The following AGBL4 variants were observed in gnomAD, a reference collection of about 807,000 sequenced individuals.
AGBL4 encodes the protein cytosolic carboxypeptidase 6.
AGBL4 carries 58 observed loss-of-function variants against 66.4 expected under a neutral mutation model. That is an observed-to-expected ratio of 0.87 (90% CI 0.71 to 1.09). The LOEUF (loss-of-function observed/expected upper bound fraction) is 1.09, where lower values mean the gene tolerates loss of function less well. Among genes scored for constraint, AGBL4 ranks in the 50% least tolerant of loss-of-function variants. AGBL4 has a pLI of 0.00. For synonymous variants in AGBL4, 234 were observed against 222.9 expected (o/e 1.05, Z -0.44); for missense variants, 579 against 631.0 (o/e 0.92, Z 0.88).
chr1:49,318,428 C>T lies in AGBL4; in HGVS notation c.283-72564G>A, dbSNP rs544105585. ...ATGATGATGATGATGATGATGATGA[C>T]GGCAATGATGATAGCAAACACATGG... On this transcript the variant is annotated intron_variant, in intron 3 of 13. Transcript: ENST00000371839. Among the ~76,000 whole-genome samples, 127 of 144,672 alleles carry T rather than the reference C, an allele frequency of 8.8e-4. 1 individual carries two copies. Among genetic ancestry groups the T allele is most frequent in the African/African-American group, 2.1e-3 (82 of 38,858 alleles). The allele number at this position is 144,672 out of a possible 152,430, so 94.9% of individuals were successfully genotyped here.
intron 1 of AGBL4, among the ~76,000 whole-genome samples, chr1:49,894,128 G>A (rs764084960): frequency 6.6e-6 from 1 of 152,190 alleles, no homozygotes; most frequent in Non-Finnish European, 1.5e-5. Flanking sequence ...AACCAAGGCA[G>A]TACCTCTATG....
At chr1:49,002,718 C>T (rs1042840093) in intron 5 of AGBL4, among the ~76,000 whole-genome samples, 1 of 152,140 alleles carries the variant, frequency 6.6e-6, no homozygotes, top group East Asian at 1.9e-4. Context: ...GTTTCAAATT[C>T]CAGCACATTG....
intron 5 of AGBL4, among the ~76,000 whole-genome samples, chr1:49,020,692 A>G (rs1005426770): frequency 6.6e-6 from 1 of 152,138 alleles, no homozygotes; most frequent in Non-Finnish European, 1.5e-5. Flanking sequence ...GATAACTGAA[A>G]AGAAACAGGA....
At chr1:49,116,230 T>G (rs1300592628) in intron 4 of AGBL4, among the ~76,000 whole-genome samples, 1 of 152,094 alleles carries the variant, frequency 6.6e-6, no homozygotes, top group Non-Finnish European at 1.5e-5. Context: ...TTAAAATTTT[T>G]TTATTATACT....
chr1:48,954,886 C>T (rs908583346), intron 5 of AGBL4, among the ~76,000 whole-genome samples: 2 of 152,192 alleles, frequency 1.3e-5, no homozygotes, highest in African/African-American at 2.4e-5. Flanking sequence ...CAGCACTGAC[C>T]TCAAGAGATC....
At chr1:49,773,070 A>G (rs1571535923) in intron 2 of AGBL4, among the ~76,000 whole-genome samples, 1 of 152,226 alleles carries the variant, frequency 6.6e-6, no homozygotes, top group East Asian at 1.9e-4. Context: ...TTTCAAAATC[A>G]CGTCTTCAAG....
rs1221238162 is a variant in AGBL4 at position 48,744,904 on chromosome 1, A to T, written c.635-81663T>A. Among the ~76,000 whole-genome samples the T allele has an allele frequency of 5.3e-5, 8 of 152,282 alleles. No individual in the cohort carries two copies. In the South Asian group the frequency reaches 6.2e-4, roughly 12 times the overall value. The stretch of plus-strand genomic sequence containing the variant: ...TGTGCTGTTTGTCTTGGCGCTGAAC[A>T]CTACCTCATCTGTCTGCCAAGCACC... On this transcript the variant is annotated intron_variant, in intron 6 of 13. Transcript: ENST00000371839.
intron 3 of AGBL4, among the ~76,000 whole-genome samples, chr1:49,278,155 C>T (rs1644206801): frequency 6.6e-6 from 1 of 152,086 alleles, no homozygotes; most frequent in South Asian, 2.1e-4. Flanking sequence ...GTTTATTTGA[C>T]TCTAAAGCTG....
chr1:49,067,995 G>A (rs1385940285), intron 4 of AGBL4, among the ~76,000 whole-genome samples: 1 of 151,378 alleles, frequency 6.6e-6, no homozygotes, highest in East Asian at 2.0e-4. Context: ...CGATGAGTGA[G>A]AACAGAGCAT....
chr1:48,633,332 C>G (rs1344402331), intron 9 of AGBL4, among the ~76,000 whole-genome samples: 2 of 152,172 alleles, frequency 1.3e-5, no homozygotes, highest in Admixed American at 1.3e-4. Context: ...GAAATTTTCA[C>G]TGGCATCCTC....
At chr1:48,964,260 G>T (rs1658239498) in intron 5 of AGBL4, among the ~76,000 whole-genome samples, 1 of 152,196 alleles carries the variant, frequency 6.6e-6, no homozygotes, top group Admixed American at 6.5e-5. Context: ...GGTTCTCCTA[G>T]ACGATGGAGG....
rs187290365 is a variant in AGBL4 at position 49,244,866 on chromosome 1, T to C, written c.377+904A>G. On this transcript the variant is annotated intron_variant, in intron 4 of 13. Coordinates refer to ENST00000371839, the MANE Select transcript of AGBL4 (RefSeq NM_032785.4). The stretch of plus-strand genomic sequence containing the variant: ...TGAATAGGTTAATAATACTAGGTTT[T>C]TGTCTTTGAAGTCTTTCATTTTGTT... Among the ~76,000 whole-genome samples, 565 of 151,936 alleles carry C rather than the reference T, an allele frequency of 3.7e-3. 3 individuals carry two copies. Among genetic ancestry groups the C allele is most frequent in the African/African-American group, 0.013 (528 of 41,542 alleles).
At chr1:49,444,828 T>C (rs1227915216) in intron 3 of AGBL4, among the ~76,000 whole-genome samples, 1 of 152,054 alleles carries the variant, frequency 6.6e-6, no homozygotes, top group Non-Finnish European at 1.5e-5. Context: ...TTCTGCTTGT[T>C]TTATATATTC....
intron 3 of AGBL4, among the ~76,000 whole-genome samples, chr1:49,253,432 G>A (rs1463942791): frequency 6.6e-6 from 1 of 152,084 alleles, no homozygotes; most frequent in African/African-American, 2.4e-5. Flanking sequence ...AGAGGAAATG[G>A]ATAAATTCCT....
chr1:49,873,085 T>TTA (rs888101556), intron 1 of AGBL4, among the ~76,000 whole-genome samples: 29 of 151,532 alleles, frequency 1.9e-4, no homozygotes, highest in Non-Finnish European at 2.9e-4. Flanking sequence ...GCAATGTATT[T>TTA]TATATATATA....
chr1:49,926,249 G>C (rs1652757005), intron 1 of AGBL4, among the ~76,000 whole-genome samples: 1 of 152,192 alleles, frequency 6.6e-6, no homozygotes, highest in Non-Finnish European at 1.5e-5. Context: ...GTAATCCAGA[G>C]AATTCTTCCA....
chr1:49,232,614 G>T (rs1298419842), intron 4 of AGBL4, among the ~76,000 whole-genome samples: 1 of 151,786 alleles, frequency 6.6e-6, no homozygotes, highest in Non-Finnish European at 1.5e-5. Flanking sequence ...CAGGAGAATG[G>T]CATGAACCCA....
intron 5 of AGBL4, among the ~76,000 whole-genome samples, chr1:48,976,959 C>A (rs1360843219): frequency 1.3e-5 from 2 of 152,024 alleles, no homozygotes; most frequent in Non-Finnish European, 2.9e-5. Flanking sequence ...TTATTGTCTC[C>A]CCATTAGAAA....
chr1:49,476,326 GA>G (rs1206766721), intron 3 of AGBL4, among the ~76,000 whole-genome samples: 2 of 151,988 alleles, frequency 1.3e-5, no homozygotes, highest in East Asian at 3.9e-4. Flanking sequence ...TTATGACAGA[GA>G]ATGTGGTCAA....
Sources: gnomAD v4.1 joint callset for allele counts (sites outside exome capture counted in the v4.1 genomes callset) on GRCh38, gnomAD v4.1.1 for gene constraint, MANE v1.5 for transcripts, NCBI Gene and HGNC (gene_info 2026-07-23, HGNC 2026-07-21) for gene names.